PCDHA1: variants seen among roughly 807,000 people sequenced by gnomAD.
The protein encoded by PCDHA1 is protocadherin alpha-1.
PCDHA1 carries 42 observed loss-of-function variants against 61.3 expected under a neutral mutation model. That is an observed-to-expected ratio of 0.69 (90% CI 0.54 to 0.89). PCDHA1 has a LOEUF of 0.89. PCDHA1 is among the 40% of genes least tolerant of loss of function. The probability of loss-of-function intolerance (pLI) is 0.00; values close to 1 mark genes in which losing one functional copy is unlikely to be tolerated. For missense variants in PCDHA1, 1,256 were observed against 1,235.3 expected, an observed-to-expected ratio of 1.02 and a Z score of -0.25; for synonymous variants, 610 against 553.8, an observed-to-expected ratio of 1.10 and a Z score of -1.43.
Position 140,846,625 on chromosome 5 carries a change from C to T in PCDHA1, c.2394+57941C>T, listed in dbSNP as rs2150393112. 1.6e-3 allele frequency among the ~76,000 whole-genome samples: 241 copies of T among 149,122 alleles called. 15 individuals are homozygous for T. Among genetic ancestry groups the T allele is most frequent in the African/African-American group, 5.6e-3 (229 of 40,752 alleles). On this transcript the variant is annotated intron_variant, in intron 1 of 3. Coordinates refer to ENST00000504120, the MANE Select transcript of PCDHA1 (RefSeq NM_018900.4). ...TCCTGACCTCCTGATCCGCCCACTT[C>T]GGCCTCCTAAAGTGCTGGGATTACA...
intron 1 of PCDHA1, chr5:140,869,787 G>A (rs1554163463): frequency 3.1e-6 from 5 of 1,612,888 alleles, no homozygotes; most frequent in Middle Eastern, 1.6e-4. Flanking sequence ...CCGTTCGGCT[G>A]TTAGTCCAAG....
intron 1 of PCDHA1, among the ~76,000 whole-genome samples, chr5:140,951,182 C>T (rs782338729): frequency 9.2e-5 from 14 of 151,876 alleles, no homozygotes; most frequent in East Asian, 1.9e-4. Context: ...AGTCATTGTC[C>T]GCTAATTCCC....
chr5:140,882,853 A>G lies in PCDHA1; in HGVS notation c.2394+94169A>G, dbSNP rs782160647. On this transcript the variant is annotated intron_variant, in intron 1 of 3. Transcript: ENST00000504120. ...AGCAAATGTCTTCATTATCACTTGTACTGAGGAAAACACTGGACAGAGAGG... is the reference window on the plus strand; with the variant it reads ...AGCAAATGTCTTCATTATCACTTGTGCTGAGGAAAACACTGGACAGAGAGG... 1.9e-6 allele frequency: 3 copies of G among 1,614,218 alleles called. No individual in the cohort carries two copies. The Admixed American group carries it at 5.0e-5, about 27-fold the overall frequency.
intron 3 of PCDHA1, among the ~76,000 whole-genome samples, chr5:140,992,192 C>T (rs2097497943): frequency 6.6e-6 from 1 of 152,124 alleles, no homozygotes; most frequent in Admixed American, 6.5e-5. Flanking sequence ...TTTCAGTGAT[C>T]TATCCAATCA....
At chr5:140,891,972 T>C (rs1273277446) in intron 1 of PCDHA1, among the ~76,000 whole-genome samples, 1 of 152,222 alleles carries the variant, frequency 6.6e-6, no homozygotes, top group African/African-American at 2.4e-5. Flanking sequence ...TAAATTTCCG[T>C]TCTCATAAAT....
intron 1 of PCDHA1, 109 bp downstream of exon 1, chr5:140,788,793 T>G (rs1761496605): frequency 7.0e-7 from 1 of 1,438,190 alleles, no homozygotes; most frequent in South Asian, 1.6e-5. Flanking sequence ...TCACTAACGT[T>G]GAAATAAATC....
chr5:140,921,953 C>A (rs2080517782), intron 1 of PCDHA1, among the ~76,000 whole-genome samples: 3 of 151,116 alleles, frequency 2.0e-5, no homozygotes, highest in African/African-American at 4.9e-5. Flanking sequence ...TTGTAAAATC[C>A]CAGAAAACCA....
chr5:140,909,202 G>A (rs1849054), intron 1 of PCDHA1, among the ~76,000 whole-genome samples: 48,059 of 152,084 alleles, frequency 0.32, 7,957 homozygotes, highest in East Asian at 0.53. Context: ...ACACAAAGCC[G>A]GAGAGTTGAT....
At chr5:140,917,329 G>GGGGGGGGGGGGT (rs1563018868) in intron 1 of PCDHA1, among the ~76,000 whole-genome samples, 1 of 143,928 alleles carries the variant, frequency 6.9e-6, no homozygotes, top group Non-Finnish European at 1.5e-5. Context: ...TGTGGCGGGG[G>GGGGGGGGGGGGT]AGGGGGGGGA....
At chr5:140,889,169 G>A (rs2062128594) in intron 1 of PCDHA1, among the ~76,000 whole-genome samples, 1 of 151,182 alleles carries the variant, frequency 6.6e-6, no homozygotes, top group African/African-American at 2.4e-5. Flanking sequence ...AAGTATTCAA[G>A]TTATAAATAA....
At chr5:141,009,459 A>T in intron 3 of PCDHA1, 168 bp from the exon 4 acceptor site, 3 of 950,878 alleles carry the variant, frequency 3.2e-6, no homozygotes, top group Non-Finnish European at 3.8e-6. Context: ...AATTAAACAA[A>T]TAAATAAATA....
intron 1 of PCDHA1, among the ~76,000 whole-genome samples, chr5:140,943,416 A>T (rs556948015): frequency 2.6e-5 from 4 of 152,286 alleles, no homozygotes; most frequent in African/African-American, 9.6e-5. Flanking sequence ...GACTAGAGGC[A>T]AGGGCTTTAA....
At chr5:140,960,436 G>C (rs2095548378) in intron 1 of PCDHA1, among the ~76,000 whole-genome samples, 1 of 152,180 alleles carries the variant, frequency 6.6e-6, no homozygotes. Context: ...TGATACTCTA[G>C]ATATATGTAT....
chr5:140,842,323 C>A (rs2150334082), intron 1 of PCDHA1: 2 of 1,607,134 alleles, frequency 1.2e-6, no homozygotes. Flanking sequence ...CGGGTCATTG[C>A]ACCGTTTTAG....
Position 140,978,929 on chromosome 5 carries a change from C to T in PCDHA1, c.2395-20C>T. 6.2e-7 allele frequency: 1 copy of T among 1,613,998 alleles called. No homozygotes were observed. Among genetic ancestry groups the T allele is most frequent in the Non-Finnish European group, 8.5e-7 (1 of 1,179,996 alleles). On this transcript the variant is annotated intron_variant, in intron 1 of 3. Coordinates refer to ENST00000504120, the MANE Select transcript of PCDHA1 (RefSeq NM_018900.4). ...ATTGTCTTGTCATTTTAACAGAAAACTCTCTTTGTGATTTTGCAGCCACGA... is the reference window on the plus strand; with the variant it reads ...ATTGTCTTGTCATTTTAACAGAAAATTCTCTTTGTGATTTTGCAGCCACGA...
chr5:141,001,478 A>G, intron 3 of PCDHA1, among the ~76,000 whole-genome samples: 1 of 152,236 alleles, frequency 6.6e-6, no homozygotes, highest in Non-Finnish European at 1.5e-5. Context: ...GCAGCGGGGA[A>G]GTGCTGGAAA....
intron 1 of PCDHA1, chr5:140,828,102 C>A: frequency 1.9e-6 from 3 of 1,608,522 alleles, no homozygotes; most frequent in Non-Finnish European, 2.5e-6. Context: ...ATGGTGTTTA[C>A]CCCGGAGGAT....
intron 1 of PCDHA1, among the ~76,000 whole-genome samples, chr5:140,936,322 A>C (rs1225268806): frequency 2.6e-5 from 4 of 152,196 alleles, no homozygotes; most frequent in Admixed American, 6.5e-5. Context: ...CTGACATGCT[A>C]TAAATTTTCT....
intron 1 of PCDHA1, chr5:140,823,879 G>A (rs1307861296): frequency 1.2e-6 from 2 of 1,613,898 alleles, no homozygotes; most frequent in African/African-American, 1.3e-5. Flanking sequence ...CCTGATCATC[G>A]CCATCTGTGC....
Sources: allele counts gnomAD v4.1 joint callset (sites outside exome capture counted in the v4.1 genomes callset), GRCh38; gene constraint gnomAD v4.1.1; transcripts MANE v1.5; gene names NCBI Gene and HGNC (gene_info 2026-07-23, HGNC 2026-07-21).